The following RAB11FIP1 variants were observed in gnomAD, a reference collection of about 807,000 sequenced individuals.
RAB11FIP1 encodes the protein RAB11 family interacting protein 1.
Under a neutral mutation model 83.1 loss-of-function variants are expected in RAB11FIP1, and 49 were observed. The observed-to-expected ratio is 0.59, with a 90% CI of 0.47 to 0.75. The LOEUF (loss-of-function observed/expected upper bound fraction) is 0.75, where lower values mean the gene tolerates loss of function less well. RAB11FIP1 is among the 30% of genes least tolerant of loss of function. The pLI, the probability that RAB11FIP1 is intolerant of heterozygous loss-of-function variation, is 0.00. For missense variants in RAB11FIP1, 1,536 were observed against 1,598.7 expected (o/e 0.96, Z 0.67); for synonymous variants, 670 against 656.0 (o/e 1.02, Z -0.33).
At chr8:37,869,227 CAAAA>C (rs59449975) in intron 5 of RAB11FIP1, among the ~76,000 whole-genome samples, 14 of 126,872 alleles carry the variant, frequency 1.1e-4, no homozygotes, top group Non-Finnish European at 8.3e-5. Flanking sequence ...GATCCTGTAT[CAAAA>C]AAAAAAAAAA....
rs1319419498 is a variant in RAB11FIP1, at chr8:37,872,342, T to G, written c.2460A>C (p.Ala820=). The change falls in exon 4 of 6, where the codon GCA becomes GCC. Residue 820 remains alanine (A), a synonymous_variant. Coordinates refer to ENST00000330843, the MANE Select transcript of RAB11FIP1 (RefSeq NM_001002814.3). ...CCACCAGCAAGGCAGCCCCCGCCAC[T>G]GCCTCTTCCGTGAAGAGCTGCTCAG... The part of the protein sequence containing the change: ...SFSEQLFTEE[A]VAGAALLVEG... 2 of 1,614,204 alleles carry G rather than the reference T, an allele frequency of 1.2e-6. No individual in the cohort carries two copies. Among genetic ancestry groups the G allele is most frequent in the Non-Finnish European group, 1.7e-6 (2 of 1,180,022 alleles).
At position 37,873,075 on chromosome 8, in the gene RAB11FIP1, A is replaced by C; in HGVS notation, c.1727T>G (p.Val576Gly). The change falls in exon 4 of 6, where the codon GTC becomes GGC. Residue 576 changes from valine (V) to glycine (G), a missense_variant. Val to Gly is a moderately radical substitution (Grantham distance 109). Transcript: ENST00000330843. ...PLPSSSGQASVPSELGHGADT... is the reference protein window; with the variant it reads ...PLPSSSGQASGPSELGHGADT... ...TGCACCATGTCCCAATTCAGAGGGG[A>C]CAGATGCCTGGCCAGAGCTAGAAGG... 1 of 1,614,048 alleles carries C rather than the reference A, an allele frequency of 6.2e-7. No individual in the cohort carries two copies. The highest frequency in any genetic ancestry group is 1.7e-5 in the Admixed American group (1 of 60,020).
At chr8:37,882,083 G>A (rs958702015) in intron 1 of RAB11FIP1, among the ~76,000 whole-genome samples, 2 of 152,136 alleles carry the variant, frequency 1.3e-5, no homozygotes, top group Non-Finnish European at 2.9e-5. Flanking sequence ...CGGGCAGCAC[G>A]CTTCACCTCC....
chr8:37,891,770 T>A (rs1417648378), intron 1 of RAB11FIP1, among the ~76,000 whole-genome samples: 3 of 152,224 alleles, frequency 2.0e-5, no homozygotes, highest in Non-Finnish European at 4.4e-5. Context: ...CTAACTTTAC[T>A]AATGTTATAT....
chr8:37,883,176 T>C (rs972581495), intron 1 of RAB11FIP1, among the ~76,000 whole-genome samples: 1 of 150,584 alleles, frequency 6.6e-6, no homozygotes, highest in Non-Finnish European at 1.5e-5. Flanking sequence ...TTTTTTCTGG[T>C]TTTTTTTTCT....
rs774069240 is a variant in RAB11FIP1 at position 37,872,388 on chromosome 8, G to C, written c.2414C>G (p.Thr805Ser). 5.0e-6 allele frequency: 8 copies of C among 1,614,184 alleles called. No homozygotes were observed. The South Asian group carries it at 8.8e-5, about 18-fold the overall frequency. The change falls in exon 4 of 6, where the codon ACC (threonine) becomes AGC (serine). Residue 805 changes from threonine (T) to serine (S), a missense_variant. Physicochemically the swap from Thr to Ser is moderately conservative, Grantham distance 58 (BLOSUM62 1). Transcript: ENST00000330843. ...GLNLRKDQKK[T>S]KKRVSFSEQL... ...CTCAGAAAATGACACACGCTTCTTG[G>C]TTTTCTTCTGGTCCTTGCGGAGGTT...
chr8:37,896,946 G>A (rs1807100944), intron 1 of RAB11FIP1, among the ~76,000 whole-genome samples: 1 of 152,162 alleles, frequency 6.6e-6, no homozygotes, highest in East Asian at 1.9e-4. Context: ...TAAGAAACAG[G>A]TGGCAGAGAA....
At chr8:37,880,908 G>A (rs537364890) in intron 1 of RAB11FIP1, among the ~76,000 whole-genome samples, 1 of 152,216 alleles carries the variant, frequency 6.6e-6, no homozygotes, top group African/African-American at 2.4e-5. Flanking sequence ...AGTTCTTTTC[G>A]GTGACCTATT....
rs1181752554 is a variant in RAB11FIP1, at chr8:37,871,553, T to G, written c.3249A>C (p.Pro1083=). 6 of 1,600,548 alleles carry G rather than the reference T, an allele frequency of 3.7e-6. No homozygotes were observed. Among genetic ancestry groups the G allele is most frequent in the Non-Finnish European group, 5.1e-6 (6 of 1,171,602 alleles). Residue 1083 remains proline (P), a synonymous_variant, in exon 4 of 6, where the codon CCA becomes CCC. Transcript: ENST00000330843. ...CCAGGGATGTGCCAGGAGGCGGGCT[T>G]GGACTCCCATTTCCCATCGGTTTTT... ...EEEKPMGNGS[P]SPPPGTSLDN... is the part of the protein sequence containing the mutation.
Position 37,874,622 on chromosome 8 carries a change from A to G in RAB11FIP1, c.1515T>C (p.Phe505=), listed in dbSNP as rs759283315. ...VSRQGSSLNL[F]EDVQITEPEA... ...CTGGTTCTGTGATCTGCACATCTTC[A>G]AAGAGGTTCAGGGAGCTGCCCTGTC... The change falls in exon 3 of 6, where the codon TTT becomes TTC. Residue 505 remains phenylalanine (F), a synonymous_variant. Transcript: ENST00000330843. 1 of 1,614,050 alleles carries G rather than the reference A, an allele frequency of 6.2e-7. No individual in the cohort carries two copies.
At chr8:37,896,290 A>T (rs1208102614) in intron 1 of RAB11FIP1, among the ~76,000 whole-genome samples, 1 of 151,680 alleles carries the variant, frequency 6.6e-6, no homozygotes, top group Non-Finnish European at 1.5e-5. Flanking sequence ...AGCCTGGGGG[A>T]CAGAGTGAGA....
rs760417256 is a variant in RAB11FIP1 at position 37,872,420 on chromosome 8, C to T, written c.2382G>A (p.Met794Ile). ...IDSMMRKLEE[M>I]GLNLRKDQKK... ...TCTGGTCCTTGCGGAGGTTCAGACC[C>T]ATCTCTTCCAGCTTCCGCATCATGG... The change falls in exon 4 of 6, where the codon ATG becomes ATA. Residue 794 changes from methionine to isoleucine, a missense_variant. By Grantham distance (10) the Met-to-Ile change is conservative. Coordinates refer to ENST00000330843, the MANE Select transcript of RAB11FIP1 (RefSeq NM_001002814.3). 1 of 1,614,182 alleles carries T rather than the reference C, an allele frequency of 6.2e-7. No individual in the cohort carries two copies.
chr8:37,881,382 A>G (rs1806731588), intron 1 of RAB11FIP1, among the ~76,000 whole-genome samples: 1 of 152,150 alleles, frequency 6.6e-6, no homozygotes, highest in South Asian at 2.1e-4. Flanking sequence ...TAACATAGAG[A>G]AAAGAGGGTT....
In RAB11FIP1 at chr8:37,871,303, C is replaced by A. The variant is rs755041183; in HGVS notation, c.3499G>T (p.Ala1167Ser). Residue 1167 changes from alanine to serine, a missense_variant, in exon 4 of 6, where the codon GCT becomes TCT. By Grantham distance (99) the Ala-to-Ser change is moderately conservative (BLOSUM62 1). Transcript: ENST00000330843. ...CTGTGCTTGGCTGACCCAGTTCCAG[C>A]GCCTGGCTGAGCTGAGACTGGATGT... ...ETHPVSAQPG[A>S]GTGSAKHRLH... 3.1e-6 allele frequency: 5 copies of A among 1,611,144 alleles called. No individual in the cohort carries two copies. In the African/African-American group the frequency reaches 4.0e-5, roughly 13 times the overall value.
At chr8:37,883,562 T>C (rs1388867683) in intron 1 of RAB11FIP1, among the ~76,000 whole-genome samples, 4 of 152,242 alleles carry the variant, frequency 2.6e-5, no homozygotes, top group Non-Finnish European at 5.9e-5. Context: ...GATAAGACAG[T>C]GAAAGCCACA....
rs57240247 is a variant in RAB11FIP1 at position 37,863,234 on chromosome 8, T to TTTTC, written c.3634-125_3634-122dup. ...GTGATCTGGGTCTCTTGGGAATCCA[T>TTTTC]TTTCTTTCTTTCTTTCTTTCTTTCT... On this transcript the variant is annotated intron_variant, in intron 5 of 5. Transcript: ENST00000330843. The TTTTC allele has an allele frequency of 5.7e-3, 3,349 of 592,476 alleles. 77 individuals are homozygous for TTTTC. Among genetic ancestry groups the TTTTC allele is most frequent in the African/African-American group, 0.055 (2,890 of 52,654 alleles). The allele number at this position is 592,476 out of a possible 1,614,324, so 36.7% of individuals were successfully genotyped here. A position where few individuals can be genotyped will look rare whatever the true frequency, so the allele number is the denominator to read the frequency against.
rs1806467718 is a variant in RAB11FIP1, at chr8:37,871,752, TC to T, written c.3049del (p.Glu1017ArgfsTer23). On this transcript the variant is annotated frameshift_variant, in exon 4 of 6. Transcript: ENST00000330843. LOFTEE classifies it high-confidence loss of function. ...CPERGKGPSG[E>X]ADRLVLGEGL... is the part of the protein sequence containing the mutation. ...CTCCCCCAGTACCAACCTATCTGCC[TC>T]GCCACTGGGCCCCTTTCCCCTCTCA... The T allele has an allele frequency of 6.2e-7, 1 of 1,613,632 alleles. No homozygotes were observed. Among genetic ancestry groups the T allele is most frequent in the African/African-American group, 1.3e-5 (1 of 74,898 alleles).
chr8:37,898,702 C>A (rs1807143950), intron 1 of RAB11FIP1, among the ~76,000 whole-genome samples: 1 of 151,388 alleles, frequency 6.6e-6, no homozygotes, highest in African/African-American at 2.4e-5. Flanking sequence ...CGCCTGTAAT[C>A]CCAGCTACTC....
At chr8:37,873,498 C>G (rs368935591) in intron 3 of RAB11FIP1, among the ~76,000 whole-genome samples, 16 of 151,824 alleles carry the variant, frequency 1.1e-4, no homozygotes, top group African/African-American at 3.4e-4. Flanking sequence ...CCCAGCTACT[C>G]GGGAGGCTGA....
Sources: gnomAD v4.1 joint callset for allele counts (sites outside exome capture counted in the v4.1 genomes callset) on GRCh38, gnomAD v4.1.1 for gene constraint, MANE v1.5 for transcripts, NCBI Gene and HGNC (gene_info 2026-07-23, HGNC 2026-07-21) for gene names.